Variants in GRIA3 observed in about 807,000 individuals in gnomAD.
GRIA3 encodes the protein glutamate ionotropic receptor AMPA type subunit 3, also known as glutamate receptor 3.
Under a neutral mutation model 63.0 loss-of-function variants are expected in GRIA3, and 3 were observed. The observed-to-expected ratio is 0.05, with a 90% CI of 0.02 to 0.12. The LOEUF (loss-of-function observed/expected upper bound fraction) is 0.12. Among genes scored for constraint, GRIA3 ranks in the 10% least tolerant of loss-of-function variants. GRIA3 has a pLI of 1.00. For synonymous variants in GRIA3, 274 were observed against 257.9 expected, an observed-to-expected ratio of 1.06 and a Z score of -0.60; for missense variants, 347 against 700.9, an observed-to-expected ratio of 0.50 and a Z score of 5.70.
At chrX:123,437,113 G>T (rs1398650018) in intron 12 of GRIA3, among the ~76,000 whole-genome samples, 1 of 108,365 alleles carries the variant, frequency 9.2e-6, no homozygotes, top group Non-Finnish European at 1.9e-5. Context: ...AAGCCTACTA[G>T]ATGATGTCCT....
chrX:123,366,366 A>T (rs1337261685), intron 5 of GRIA3, among the ~76,000 whole-genome samples: 1 of 111,203 alleles, frequency 9.0e-6, no homozygotes, highest in Non-Finnish European at 1.9e-5. Flanking sequence ...TCGTAGAAGG[A>T]TGAAGATTCA....
chrX:123,412,305 T>C (rs2147389792), intron 10 of GRIA3, among the ~76,000 whole-genome samples: 1 of 111,973 alleles, frequency 8.9e-6, no homozygotes, highest in South Asian at 3.8e-4. Flanking sequence ...ACATAAATTA[T>C]GCCAAGCAGG....
intron 2 of GRIA3, among the ~76,000 whole-genome samples, chrX:123,201,989 C>T (rs1161287326): frequency 8.9e-6 from 1 of 112,176 alleles, no homozygotes; most frequent in Non-Finnish European, 1.9e-5. Context: ...TTAATATTTA[C>T]TTTGCAGTCA....
chrX:123,381,790 T>G (rs1019920744), intron 5 of GRIA3, among the ~76,000 whole-genome samples: 1 of 112,050 alleles, frequency 8.9e-6, no homozygotes, highest in African/African-American at 3.2e-5. Context: ...GTCTTTATAA[T>G]AAAAAAGGTA....
At chrX:123,256,113 T>C (rs1435308464) in intron 3 of GRIA3, among the ~76,000 whole-genome samples, 1 of 111,347 alleles carries the variant, frequency 9.0e-6, no homozygotes, top group Non-Finnish European at 1.9e-5. Flanking sequence ...AATTCTCTCC[T>C]TTATCTTGAT....
chrX:123,405,656 G>A (rs1353300647), intron 10 of GRIA3, among the ~76,000 whole-genome samples: 1 of 111,808 alleles, frequency 8.9e-6, no homozygotes, highest in Non-Finnish European at 1.9e-5. Flanking sequence ...AAGCCTGGAA[G>A]TACTTTTGTG....
intron 6 of GRIA3, among the ~76,000 whole-genome samples, chrX:123,395,721 T>C (rs1310951585): frequency 1.8e-5 from 2 of 111,753 alleles, no homozygotes; most frequent in African/African-American, 3.3e-5. Context: ...AAAATGCACA[T>C]TTTTCATGTG....
intron 11 of GRIA3, among the ~76,000 whole-genome samples, chrX:123,419,172 C>T (rs1353212739): frequency 9.0e-6 from 1 of 111,694 alleles, no homozygotes; most frequent in East Asian, 2.8e-4. Flanking sequence ...CTTTGGGAGG[C>T]CAAGGCAGGT....
intron 5 of GRIA3, among the ~76,000 whole-genome samples, chrX:123,368,765 C>T (rs1349155440): frequency 3.5e-5 from 3 of 86,257 alleles, no homozygotes; most frequent in Non-Finnish European, 4.5e-5. Context: ...GCAAGTCCCA[C>T]TGTAGATCAT....
chrX:123,333,686 TATA>T (rs770292814), intron 4 of GRIA3, among the ~76,000 whole-genome samples: 3 of 111,559 alleles, frequency 2.7e-5, no homozygotes, highest in Non-Finnish European at 5.7e-5. Flanking sequence ...TCTTAGTACC[TATA>T]ATATCTCTCC....
chrX:123,481,674 T>TA (rs1044702577), intron 14 of GRIA3, among the ~76,000 whole-genome samples: 2 of 112,114 alleles, frequency 1.8e-5, no homozygotes, highest in African/African-American at 6.5e-5. Context: ...ACATACCCTC[T>TA]AAAAAGACTA....
At chrX:123,471,679 T>A (rs2045863116) in intron 13 of GRIA3, among the ~76,000 whole-genome samples, 1 of 110,492 alleles carries the variant, frequency 9.1e-6, no homozygotes, top group Non-Finnish European at 1.9e-5. Flanking sequence ...TTATACACAA[T>A]CTCTGAAAGG....
chrX:123,375,610 A>C (rs937205844), intron 5 of GRIA3, among the ~76,000 whole-genome samples: 2 of 111,731 alleles, frequency 1.8e-5, no homozygotes, highest in African/African-American at 6.5e-5. Context: ...CTGTTATATT[A>C]GTTCTTTGCT....
At chrX:123,442,614 CTG>C (rs2045681214) in intron 12 of GRIA3, among the ~76,000 whole-genome samples, 1 of 111,603 alleles carries the variant, frequency 9.0e-6, no homozygotes, top group Admixed American at 9.5e-5. Context: ...TGATGAATGA[CTG>C]TACTCGACCA....
intron 3 of GRIA3, among the ~76,000 whole-genome samples, chrX:123,289,916 C>G (rs2044645588): frequency 9.0e-6 from 1 of 111,502 alleles, no homozygotes; most frequent in Non-Finnish European, 1.9e-5. Context: ...TTTTTATCTT[C>G]TCTGTTCTAA....
chrX:123,268,766 G>A (rs928291907), intron 3 of GRIA3, among the ~76,000 whole-genome samples: 12 of 111,418 alleles, frequency 1.1e-4, no homozygotes, highest in Non-Finnish European at 2.1e-4. Flanking sequence ...TGTGGGATTC[G>A]AAAAATCTAA....
chrX:123,296,621 CA>C (rs1282585105), intron 3 of GRIA3, among the ~76,000 whole-genome samples: 3 of 111,255 alleles, frequency 2.7e-5, no homozygotes, highest in Non-Finnish European at 3.8e-5. Flanking sequence ...GTACAATCAG[CA>C]AATCTAAATG....
intron 2 of GRIA3, among the ~76,000 whole-genome samples, chrX:123,233,794 G>A (rs185769443): frequency 4.5e-5 from 5 of 111,636 alleles, no homozygotes; most frequent in Non-Finnish European, 9.4e-5. Flanking sequence ...GATGTCTTCT[G>A]CCTGGGAATT....
intron 4 of GRIA3, among the ~76,000 whole-genome samples, chrX:123,354,084 T>C (rs1345981748): frequency 2.7e-5 from 3 of 111,891 alleles, no homozygotes; most frequent in Non-Finnish European, 5.6e-5. Flanking sequence ...TTGGTACTAA[T>C]ATAGCATTAT....
Sources: gnomAD v4.1 joint callset for allele counts (sites outside exome capture counted in the v4.1 genomes callset) on GRCh38, gnomAD v4.1.1 for gene constraint, MANE v1.5 for transcripts, NCBI Gene and HGNC (gene_info 2026-07-23, HGNC 2026-07-21) for gene names.